The following KLHL29 variants were observed in gnomAD, a reference collection of about 807,000 sequenced individuals.
The protein encoded by KLHL29 is kelch-like protein 29.
Under a neutral mutation model 80.4 loss-of-function variants are expected in KLHL29, and 21 were observed. The observed-to-expected ratio is 0.26, with a 90% confidence interval of 0.19 to 0.38. KLHL29 has a LOEUF of 0.38. KLHL29 is among the 10% of genes least tolerant of loss of function. The pLI is 1.00. For missense variants in KLHL29, 867 were observed against 1,223.9 expected (o/e 0.71, Z 4.35); for synonymous variants, 511 against 526.8 (o/e 0.97, Z 0.41).
chr2:23,604,916 C>T (rs1668666618), intron 3 of KLHL29, among the ~76,000 whole-genome samples: 1 of 152,106 alleles, frequency 6.6e-6, no homozygotes, highest in Non-Finnish European at 1.5e-5. Context: ...TCCCCTCAGC[C>T]GTTTGCAGTA....
chr2:23,685,369 T>G (rs1400786130), intron 6 of KLHL29: 1 of 152,296 alleles, frequency 6.6e-6, no homozygotes, highest in Non-Finnish European at 1.5e-5. Flanking sequence ...AGGGTAACGC[T>G]CACGTTTCTC....
At chr2:23,698,540 A>C (rs1342922898) in intron 11 of KLHL29, among the ~76,000 whole-genome samples, 1 of 148,772 alleles carries the variant, frequency 6.7e-6, no homozygotes, top group Non-Finnish European at 1.5e-5. Flanking sequence ...TATTATATTG[A>C]TAATGAATGA....
chr2:23,495,792 T>G (rs916707044), intron 2 of KLHL29, among the ~76,000 whole-genome samples: 1 of 152,200 alleles, frequency 6.6e-6, no homozygotes, highest in African/African-American at 2.4e-5. Flanking sequence ...TGGGAGAGTC[T>G]AATCCCGCCA....
At chr2:23,493,022 A>G (rs571148903) in intron 2 of KLHL29, among the ~76,000 whole-genome samples, 3 of 152,348 alleles carry the variant, frequency 2.0e-5, no homozygotes, top group Admixed American at 6.5e-5. Flanking sequence ...GAAATATTCC[A>G]GGATCTAATG....
intron 3 of KLHL29, among the ~76,000 whole-genome samples, chr2:23,615,210 G>A (rs1394750850): frequency 6.6e-6 from 1 of 152,232 alleles, no homozygotes; most frequent in African/African-American, 2.4e-5. Flanking sequence ...CCGGGGGCAG[G>A]CTTTGTTATT....
intron 3 of KLHL29, among the ~76,000 whole-genome samples, chr2:23,623,574 G>A (rs1472149303): frequency 3.9e-5 from 6 of 152,144 alleles, no homozygotes; most frequent in East Asian, 1.9e-4. Context: ...TGGAGTCATC[G>A]GAAAAGAAAA....
intron 5 of KLHL29, among the ~76,000 whole-genome samples, chr2:23,661,914 T>C (rs953425489): frequency 6.6e-6 from 1 of 152,236 alleles, no homozygotes; most frequent in Non-Finnish European, 1.5e-5. Flanking sequence ...CCAGGTATCC[T>C]CTAGAATCCA....
At chr2:23,483,222 G>A (rs1664847513) in intron 2 of KLHL29, among the ~76,000 whole-genome samples, 1 of 152,190 alleles carries the variant, frequency 6.6e-6, no homozygotes, top group Non-Finnish European at 1.5e-5. Context: ...AACTAGCTTA[G>A]TTTGATCAAA....
chr2:23,447,871 T>A (rs1663755551), intron 1 of KLHL29, among the ~76,000 whole-genome samples: 1 of 152,216 alleles, frequency 6.6e-6, no homozygotes, highest in Non-Finnish European at 1.5e-5. Flanking sequence ...TCCCAGAACC[T>A]GCTGGGAGTA....
At chr2:23,642,260 G>A (rs1212230000) in intron 4 of KLHL29, 78 bp from the exon 5 acceptor site, 1 of 1,324,970 alleles carries the variant, frequency 7.5e-7, no homozygotes, top group Non-Finnish European at 9.9e-7. Flanking sequence ...CTAGCACCCA[G>A]TGCAGGGCCG....
chr2:23,521,097 C>T (rs187408091), intron 2 of KLHL29, among the ~76,000 whole-genome samples: 164 of 151,574 alleles, frequency 1.1e-3, no homozygotes, highest in African/African-American at 3.8e-3. Context: ...TTAGGAGAGT[C>T]GATGGTGGAT....
chr2:23,629,935 G>C (rs1669426383), intron 3 of KLHL29, among the ~76,000 whole-genome samples: 1 of 152,214 alleles, frequency 6.6e-6, no homozygotes, highest in South Asian at 2.1e-4. Context: ...CCAGCGAACA[G>C]CACCGGGAGG....
At chr2:23,551,116 A>G (rs950063282) in intron 2 of KLHL29, among the ~76,000 whole-genome samples, 4 of 152,220 alleles carry the variant, frequency 2.6e-5, no homozygotes, top group African/African-American at 9.6e-5. Flanking sequence ...TACGTAATCA[A>G]ATGGTAGCCA....
chr2:23,488,437 C>A (rs1449976600), intron 2 of KLHL29, among the ~76,000 whole-genome samples: 1 of 152,178 alleles, frequency 6.6e-6, no homozygotes, highest in Non-Finnish European at 1.5e-5. Context: ...TACTATGGGG[C>A]CTTGGAGGGC....
intron 2 of KLHL29, among the ~76,000 whole-genome samples, chr2:23,520,297 T>TGGGCTCAGATACCTAAGCCTTCCAG (rs1266197404): frequency 4.9e-4 from 74 of 152,328 alleles, no homozygotes; most frequent in African/African-American, 1.7e-3. Flanking sequence ...TGCGCTTTCA[T>TGGGCTCAGATACCTAAGCCTTCCAG]GGGCTCAGAT....
rs115449593 is a variant in KLHL29, at chr2:23,545,293, C to T, written c.-45-16859C>T. Among the ~76,000 whole-genome samples the T allele has an allele frequency of 4.6e-3, 701 of 152,338 alleles. 6 individuals are homozygous for T. The highest frequency in any genetic ancestry group is 0.017 in the Middle Eastern group (5 of 294). On this transcript the variant is annotated intron_variant, in intron 2 of 13. Transcript: ENST00000486442. ...TCGGGCACAAGAGCCTCCTTCCAAG[C>T]ACCACCACTTCCCCCAAGTGGCCTT...
intron 3 of KLHL29, among the ~76,000 whole-genome samples, chr2:23,591,249 C>T (rs1370215032): frequency 6.6e-6 from 1 of 152,146 alleles, no homozygotes; most frequent in African/African-American, 2.4e-5. Flanking sequence ...GGCCGGTGCC[C>T]TTGGGGCAAT....
At chr2:23,588,989 C>T (rs1668186324) in intron 3 of KLHL29, among the ~76,000 whole-genome samples, 1 of 152,272 alleles carries the variant, frequency 6.6e-6, no homozygotes, top group Non-Finnish European at 1.5e-5. Context: ...TCACGCGTCA[C>T]ACCATAGCTC....
intron 3 of KLHL29, among the ~76,000 whole-genome samples, chr2:23,637,265 C>T (rs188362199): frequency 4.4e-4 from 67 of 152,300 alleles, no homozygotes; most frequent in African/African-American, 1.6e-3. Flanking sequence ...GGAAATACAG[C>T]GAAGGCTGTG....
Sources: allele counts gnomAD v4.1 joint callset (sites outside exome capture counted in the v4.1 genomes callset), GRCh38; gene constraint gnomAD v4.1.1; transcripts MANE v1.5; gene names NCBI Gene and HGNC (gene_info 2026-07-23, HGNC 2026-07-21).